Variants in CRPPA observed in about 807,000 individuals in gnomAD.
The protein encoded by CRPPA is D-ribitol-5-phosphate cytidylyltransferase.
In CRPPA, 43 loss-of-function variants were observed where a neutral mutation model predicts 52.0. The ratio of observed to expected loss-of-function variants is 0.83; its 90% CI spans 0.65 to 1.07. The LOEUF (loss-of-function observed/expected upper bound fraction) is 1.07, where lower values mean the gene tolerates loss of function less well. CRPPA is among the 50% of genes least tolerant of loss of function. The probability of loss-of-function intolerance (pLI) is 0.00; values close to 1 mark genes in which losing one functional copy is unlikely to be tolerated. For missense variants in CRPPA, 629 were observed against 551.7 expected, an observed-to-expected ratio of 1.14 and a Z score of -1.40; for synonymous variants, 250 against 203.5, an observed-to-expected ratio of 1.23 and a Z score of -1.94.
intron 8 of CRPPA, among the ~76,000 whole-genome samples, chr7:16,218,095 C>G (rs546408079): frequency 0.018 from 2,672 of 151,884 alleles, 93 homozygotes; most frequent in African/African-American, 0.061. Flanking sequence ...CAGATCTCTC[C>G]GCAGAAACCC....
chr7:16,215,954 T>G (rs1782292642), intron 9 of CRPPA, 112 bp downstream of exon 9: 4 of 863,508 alleles, frequency 4.6e-6, no homozygotes, highest in Non-Finnish European at 7.0e-6. Context: ...TGAGTAACTT[T>G]CCAGCTGTAA....
chr7:16,238,636 T>TA (rs1783015526), intron 8 of CRPPA, among the ~76,000 whole-genome samples: 1 of 152,050 alleles, frequency 6.6e-6, no homozygotes, highest in African/African-American at 2.4e-5. Context: ...AACATCAAAA[T>TA]AACCTATGAG....
chr7:16,316,292 G>A (rs1232051349), intron 3 of CRPPA, among the ~76,000 whole-genome samples: 1 of 152,088 alleles, frequency 6.6e-6, no homozygotes, highest in South Asian at 2.1e-4. Context: ...TTATCTCTGG[G>A]AGACAGAAGA....
chr7:16,291,428 T>C (rs1281938982), intron 5 of CRPPA, among the ~76,000 whole-genome samples: 1 of 151,968 alleles, frequency 6.6e-6, no homozygotes, highest in African/African-American at 2.4e-5. Flanking sequence ...ATTCTGTCAT[T>C]TGCAGTAACA....
At chr7:16,127,730 A>G (rs535665802) in intron 9 of CRPPA, among the ~76,000 whole-genome samples, 1 of 152,240 alleles carries the variant, frequency 6.6e-6, no homozygotes, top group Admixed American at 6.5e-5. Flanking sequence ...CACATAAATC[A>G]CCAATAAAAA....
At chr7:16,179,832 T>C (rs923252054) in intron 9 of CRPPA, among the ~76,000 whole-genome samples, 1 of 152,138 alleles carries the variant, frequency 6.6e-6, no homozygotes, top group Non-Finnish European at 1.5e-5. Flanking sequence ...TTCTTAGTTA[T>C]AGTCAACAAA....
chr7:16,411,127 A>C (rs1788068241), intron 1 of CRPPA, among the ~76,000 whole-genome samples: 1 of 152,238 alleles, frequency 6.6e-6, no homozygotes, highest in Non-Finnish European at 1.5e-5. Flanking sequence ...GCTAGGTACC[A>C]GGCAATCAAT....
chr7:16,364,317 C>T (rs1786532873), intron 3 of CRPPA, among the ~76,000 whole-genome samples: 3 of 152,148 alleles, frequency 2.0e-5, no homozygotes, highest in Admixed American at 2.0e-4. Flanking sequence ...TAAGTTTGAT[C>T]AATTGATGAA....
At chr7:16,223,385 T>C (rs1459323559) in intron 8 of CRPPA, among the ~76,000 whole-genome samples, 1 of 152,278 alleles carries the variant, frequency 6.6e-6, no homozygotes, top group East Asian at 1.9e-4. Context: ...AGGAGAAGTA[T>C]TTACAAATTC....
At chr7:16,295,012 A>G (rs1190746130) in intron 5 of CRPPA, among the ~76,000 whole-genome samples, 1 of 152,082 alleles carries the variant, frequency 6.6e-6, no homozygotes, top group African/African-American at 2.4e-5. Flanking sequence ...CATAAAACAC[A>G]CTCCAACACA....
chr7:16,386,173 G>A (rs1303360323), intron 2 of CRPPA, among the ~76,000 whole-genome samples: 1 of 112,644 alleles, frequency 8.9e-6, no homozygotes, highest in African/African-American at 4.4e-5. Context: ...GGGATGGGGT[G>A]GGAAGATGAT....
intron 8 of CRPPA, among the ~76,000 whole-genome samples, chr7:16,248,254 A>G (rs1783335145): frequency 6.6e-6 from 1 of 152,150 alleles, no homozygotes; most frequent in Admixed American, 6.5e-5. Context: ...TGGAGGGATC[A>G]CTTGAGCCCA....
chr7:16,109,291 A>C (rs28854175), intron 9 of CRPPA, among the ~76,000 whole-genome samples: 1 of 151,914 alleles, frequency 6.6e-6, no homozygotes, highest in African/African-American at 2.4e-5. Flanking sequence ...TTATAAGTCA[A>C]TGAATTGAGT....
At chr7:16,118,120 T>C (rs1037801901) in intron 9 of CRPPA, among the ~76,000 whole-genome samples, 3 of 152,234 alleles carry the variant, frequency 2.0e-5, no homozygotes, top group African/African-American at 7.2e-5. Flanking sequence ...ATTAAGTACT[T>C]ACAAGGTCTC....
chr7:16,217,600 G>A (rs1343637085), intron 8 of CRPPA, among the ~76,000 whole-genome samples: 1 of 145,864 alleles, frequency 6.9e-6, no homozygotes, highest in Non-Finnish European at 1.5e-5. Context: ...GCTTAAAGGA[G>A]CTGATGGAGC....
chr7:16,324,822 T>C (rs1785344999), intron 3 of CRPPA, among the ~76,000 whole-genome samples: 1 of 152,214 alleles, frequency 6.6e-6, no homozygotes, highest in Non-Finnish European at 1.5e-5. Flanking sequence ...TTATCCACTT[T>C]TGCTCCCATA....
At chr7:16,160,551 G>C (rs1001533671) in intron 9 of CRPPA, among the ~76,000 whole-genome samples, 2 of 152,178 alleles carry the variant, frequency 1.3e-5, no homozygotes, top group African/African-American at 4.8e-5. Context: ...GTACCGTGCT[G>C]CTTTTGTTAC....
intron 8 of CRPPA, among the ~76,000 whole-genome samples, chr7:16,224,013 G>GCCC (rs1217733029): frequency 6.6e-6 from 1 of 151,888 alleles, no homozygotes; most frequent in Non-Finnish European, 1.5e-5. Flanking sequence ...CTATCCTTCT[G>GCCC]CCCCCCACAA....
chr7:16,247,570 T>C (rs936169680), intron 8 of CRPPA, among the ~76,000 whole-genome samples: 14 of 152,052 alleles, frequency 9.2e-5, no homozygotes, highest in African/African-American at 3.4e-4. Context: ...GCAGATATAA[T>C]AAAGATGAAA....
Sources: gnomAD v4.1 joint callset for allele counts (sites outside exome capture counted in the v4.1 genomes callset) on GRCh38, gnomAD v4.1.1 for gene constraint, MANE v1.5 for transcripts, NCBI Gene and HGNC (gene_info 2026-07-23, HGNC 2026-07-21) for gene names.